SKA2: variants seen among roughly 807,000 people sequenced by gnomAD.
The protein encoded by SKA2 is spindle and kinetochore associated complex subunit 2.
SKA2 carries 13 observed loss-of-function variants against 16.9 expected under a neutral mutation model. The observed-to-expected ratio is 0.77, with a 90% CI of 0.50 to 1.22. The LOEUF (loss-of-function observed/expected upper bound fraction) is 1.22. Among genes scored for constraint, SKA2 ranks in the 50% most tolerant of loss-of-function variants. The probability of loss-of-function intolerance (pLI) is 0.00; values close to 1 mark genes in which losing one functional copy is unlikely to be tolerated. For missense variants in SKA2, 107 were observed against 139.7 expected, an observed-to-expected ratio of 0.77 and a Z score of 1.18; for synonymous variants, 47 against 48.5, an observed-to-expected ratio of 0.97 and a Z score of 0.13.
intron 2 of SKA2, among the ~76,000 whole-genome samples, chr17:59,121,130 C>T (rs1324151598): frequency 7.3e-6 from 1 of 137,846 alleles, no homozygotes; most frequent in Non-Finnish European, 1.5e-5. Context: ...CCAGCCTGGG[C>T]GACTGAGGGA....
At chr17:59,130,503 G>A (rs768061642) in intron 2 of SKA2, among the ~76,000 whole-genome samples, 44 of 149,808 alleles carry the variant, frequency 2.9e-4, no homozygotes, top group Middle Eastern at 3.4e-3. Context: ...TGTGGCGCAC[G>A]CCTGTAATCC....
chr17:59,125,507 C>A (rs2046365908), intron 2 of SKA2, among the ~76,000 whole-genome samples: 1 of 150,704 alleles, frequency 6.6e-6, no homozygotes, highest in Admixed American at 6.6e-5. Context: ...TCAAGACCAG[C>A]CTGACCAACA....
chr17:59,123,036 A>G (rs1174023707), intron 2 of SKA2, among the ~76,000 whole-genome samples: 2 of 147,332 alleles, frequency 1.4e-5, no homozygotes, highest in Admixed American at 6.7e-5. Flanking sequence ...AAAAAAAAAA[A>G]AAAGAAAAGA....
In SKA2 at chr17:59,132,183, T is replaced by C. The variant is rs183327658; in HGVS notation, c.34-816A>G. On this transcript the variant is annotated intron_variant, in intron 1 of 3. Transcript: ENST00000330137. Reference sequence around the variant, plus strand: ...CCAGCCTGGCTAACATGGTGAAACCTCATCTCTACCAAAAATACAAAAATT... The same window carrying C: ...CCAGCCTGGCTAACATGGTGAAACCCCATCTCTACCAAAAATACAAAAATT... 2.1e-4 allele frequency among the ~76,000 whole-genome samples: 32 copies of C among 149,572 alleles called. 1 individual carries two copies. In the East Asian group the frequency reaches 6.2e-3, roughly 29 times the overall value.
intron 3 of SKA2, 142 bp downstream of exon 3, chr17:59,119,177 A>G (rs984705062): frequency 2.5e-6 from 2 of 789,440 alleles, no homozygotes; most frequent in Non-Finnish European, 3.9e-6. Context: ...AAGAGCTATT[A>G]TACTTCAGGG....
At chr17:59,115,966 TTTATTA>T (rs562343492) in intron 3 of SKA2, among the ~76,000 whole-genome samples, 2 of 152,214 alleles carry the variant, frequency 1.3e-5, no homozygotes, top group African/African-American at 4.8e-5. Context: ...TAATTTTCTA[TTTATTA>T]TTATATATGT....
chr17:59,113,501 T>C (rs1281396171), intron 3 of SKA2, among the ~76,000 whole-genome samples: 1 of 151,090 alleles, frequency 6.6e-6, no homozygotes, highest in African/African-American at 2.4e-5. Flanking sequence ...CCATCCAGCC[T>C]GGGTGACAGA....
chr17:59,131,432 T>C, intron 1 of SKA2, 65 bp from the exon 2 acceptor site: 1 of 1,040,358 alleles, frequency 9.6e-7, no homozygotes, highest in Non-Finnish European at 1.3e-6. Context: ...GATACTTTAT[T>C]CTTTTTTTCT....
intron 3 of SKA2, among the ~76,000 whole-genome samples, chr17:59,117,711 C>T (rs1307843486): frequency 6.6e-6 from 1 of 152,000 alleles, no homozygotes; most frequent in African/African-American, 2.4e-5. Flanking sequence ...AGGCATGAGC[C>T]ACTGTGCCCA....
At chr17:59,112,388 A>C in intron 3 of SKA2, 43 bp from the exon 4 acceptor site, 2 of 1,483,432 alleles carry the variant, frequency 1.3e-6, no homozygotes, top group Non-Finnish European at 1.9e-6. Flanking sequence ...AAACTTTCAA[A>C]GACTTAAATC....
At chr17:59,112,398 C>A in intron 3 of SKA2, 53 bp from the exon 4 acceptor site, 1 of 1,378,822 alleles carries the variant, frequency 7.3e-7, no homozygotes, top group Non-Finnish European at 1.0e-6. Context: ...AGACTTAAAT[C>A]AGTTTAGTTA....
Position 59,114,254 on chromosome 17 carries a change from C to T in SKA2, c.298-1909G>A, listed in dbSNP as rs189267516. Among the ~76,000 whole-genome samples, 441 of 152,276 alleles carry T rather than the reference C, an allele frequency of 2.9e-3. 1 individual carries two copies. The highest frequency in any genetic ancestry group is 4.6e-3 in the Non-Finnish European group (313 of 68,024). ...GGGGCCAGATTCATCTCAGGCACATCGCTATGAGGGACAACACACATCTCA... is the reference window on the plus strand; with the variant it reads ...GGGGCCAGATTCATCTCAGGCACATTGCTATGAGGGACAACACACATCTCA... On this transcript the variant is annotated intron_variant, in intron 3 of 3. Coordinates refer to ENST00000330137, the MANE Select transcript of SKA2 (RefSeq NM_182620.4).
chr17:59,151,257 C>T (rs757355539), intron 1 of SKA2: 9 of 480,280 alleles, frequency 1.9e-5, no homozygotes, highest in Admixed American at 9.0e-5. Flanking sequence ...CATCTTGCAT[C>T]GGTTGAAGCT....
intron 3 of SKA2, 61 bp downstream of exon 3, chr17:59,119,258 T>C (rs933373185): frequency 4.5e-6 from 7 of 1,550,598 alleles, no homozygotes; most frequent in Non-Finnish European, 6.1e-6. Context: ...CAGGTTTATT[T>C]TTCAAAGCAA....
At chr17:59,126,184 G>GAATAAATAAATAAATA (rs56288903) in intron 2 of SKA2, among the ~76,000 whole-genome samples, 1 of 149,538 alleles carries the variant, frequency 6.7e-6, no homozygotes. Flanking sequence ...ATAAATAAAT[G>GAATAAATAAATAAATA]AATAAATAAA....
intron 2 of SKA2, among the ~76,000 whole-genome samples, chr17:59,120,355 C>T (rs1225515567): frequency 1.3e-5 from 2 of 152,152 alleles, no homozygotes; most frequent in Non-Finnish European, 2.9e-5. Flanking sequence ...TACATTACCA[C>T]TATTCCATAA....
At chr17:59,113,923 A>G (rs1656231857) in intron 3 of SKA2, among the ~76,000 whole-genome samples, 1 of 152,168 alleles carries the variant, frequency 6.6e-6, no homozygotes, top group African/African-American at 2.4e-5. Context: ...CAACTGAACA[A>G]TGTAAGGACT....
At chr17:59,153,075 A>T (rs932723997) in intron 1 of SKA2, among the ~76,000 whole-genome samples, 1 of 152,216 alleles carries the variant, frequency 6.6e-6, no homozygotes, top group African/African-American at 2.4e-5. Context: ...GAATTTGTTC[A>T]ATCTAAAGAA....
chr17:59,143,113 C>A (rs1302910201), intron 1 of SKA2, among the ~76,000 whole-genome samples: 3 of 151,610 alleles, frequency 2.0e-5, no homozygotes, highest in African/African-American at 7.3e-5. Flanking sequence ...TTTATGGTAT[C>A]TTGTAGCAAA....
Sources: gnomAD v4.1 joint callset for allele counts (sites outside exome capture counted in the v4.1 genomes callset) on GRCh38, gnomAD v4.1.1 for gene constraint, MANE v1.5 for transcripts, NCBI Gene and HGNC (gene_info 2026-07-23, HGNC 2026-07-21) for gene names.